The following ROBO1 variants were observed in gnomAD, a reference collection of about 807,000 sequenced individuals.
ROBO1 encodes the protein roundabout homolog 1.
In ROBO1, 149 loss-of-function variants were observed where a neutral mutation model predicts 195.9. The observed-to-expected ratio is 0.76, with a 90% CI of 0.67 to 0.87. The LOEUF (loss-of-function observed/expected upper bound fraction) is 0.87. Among genes scored for constraint, ROBO1 ranks in the 40% least tolerant of loss-of-function variants. ROBO1 has a pLI of 0.00. For missense variants in ROBO1, 1,933 were observed against 2,068.3 expected, an observed-to-expected ratio of 0.93 and a Z score of 1.27; for synonymous variants, 816 against 733.2, an observed-to-expected ratio of 1.11 and a Z score of -1.82.
chr3:79,021,850 C>T (rs931931237), intron 3 of ROBO1, among the ~76,000 whole-genome samples: 1 of 151,960 alleles, frequency 6.6e-6, no homozygotes, highest in Admixed American at 6.6e-5. Flanking sequence ...TTAGTAGAGA[C>T]GGGGTTTCAC....
intron 4 of ROBO1, among the ~76,000 whole-genome samples, chr3:78,837,661 A>G (rs2032858607): frequency 6.6e-6 from 1 of 152,132 alleles, no homozygotes; most frequent in Non-Finnish European, 1.5e-5. Context: ...ATCCATGGGA[A>G]TATATAAGAA....
At chr3:78,995,860 T>C (rs541570305) in intron 3 of ROBO1, among the ~76,000 whole-genome samples, 104 of 151,980 alleles carry the variant, frequency 6.8e-4, no homozygotes, top group African/African-American at 2.4e-3. Context: ...AAAAAGTGTG[T>C]ACCTACAGGA....
chr3:79,133,369 G>A (rs1239379104), intron 2 of ROBO1, among the ~76,000 whole-genome samples: 1 of 118,676 alleles, frequency 8.4e-6, no homozygotes, highest in African/African-American at 3.3e-5. Context: ...ATTTCTTGGA[G>A]GCTTTGCTCA....
intron 2 of ROBO1, among the ~76,000 whole-genome samples, chr3:79,445,023 G>A (rs189628713): frequency 1.4e-4 from 21 of 151,936 alleles, no homozygotes; most frequent in Admixed American, 3.3e-4. Flanking sequence ...GCAGAAGTTG[G>A]ATCCTAAATC....
intron 2 of ROBO1, among the ~76,000 whole-genome samples, chr3:79,480,502 A>AT (rs1400171430): frequency 2.0e-5 from 3 of 151,744 alleles, no homozygotes; most frequent in Admixed American, 6.6e-5. Flanking sequence ...GGCTAGGTAA[A>AT]TTTTTTTTGT....
At chr3:78,765,392 T>A (rs2083205396) in intron 4 of ROBO1, among the ~76,000 whole-genome samples, 1 of 152,130 alleles carries the variant, frequency 6.6e-6, no homozygotes, top group Non-Finnish European at 1.5e-5. Context: ...AACATAAAAT[T>A]TATTATTAAA....
At chr3:79,568,701 C>A (rs1363705929) in intron 2 of ROBO1, among the ~76,000 whole-genome samples, 3 of 151,822 alleles carry the variant, frequency 2.0e-5, no homozygotes, top group African/African-American at 7.3e-5. Flanking sequence ...CAAGGGGAAT[C>A]ATTTTCTACC....
intron 3 of ROBO1, among the ~76,000 whole-genome samples, chr3:78,964,494 A>G (rs2041571859): frequency 6.6e-6 from 1 of 152,128 alleles, no homozygotes; most frequent in South Asian, 2.1e-4. Context: ...AGAGACCTAA[A>G]TATGTCCAAA....
intron 1 of ROBO1, among the ~76,000 whole-genome samples, chr3:79,700,634 G>T (rs1209631934): frequency 6.6e-6 from 1 of 151,586 alleles, no homozygotes; most frequent in Non-Finnish European, 1.5e-5. Context: ...TAATGATGCT[G>T]AACACTTTTT....
chr3:78,620,858 A>C, intron 26 of ROBO1, among the ~76,000 whole-genome samples: 1 of 130,276 alleles, frequency 7.7e-6, no homozygotes, highest in East Asian at 2.4e-4. Flanking sequence ...ACACATATAT[A>C]AGTGTAAATA....
chr3:79,433,574 G>C (rs1205179907), intron 2 of ROBO1, among the ~76,000 whole-genome samples: 1 of 151,688 alleles, frequency 6.6e-6, no homozygotes, highest in Non-Finnish European at 1.5e-5. Context: ...TTAAAACAAG[G>C]TTCCATGTTC....
intron 3 of ROBO1, among the ~76,000 whole-genome samples, chr3:79,003,799 T>C (rs374649075): frequency 1.3e-5 from 2 of 152,242 alleles, no homozygotes; most frequent in Admixed American, 1.3e-4. Context: ...GAAAAACTCA[T>C]TGACAAATAA....
At chr3:79,043,113 T>C (rs1049675394) in intron 3 of ROBO1, among the ~76,000 whole-genome samples, 1 of 152,088 alleles carries the variant, frequency 6.6e-6, no homozygotes, top group Non-Finnish European at 1.5e-5. Flanking sequence ...TTTAAAGAAA[T>C]TGCCTAATGC....
chr3:78,975,264 A>C (rs550519532), intron 3 of ROBO1, among the ~76,000 whole-genome samples: 14 of 152,310 alleles, frequency 9.2e-5, no homozygotes, highest in African/African-American at 3.4e-4. Context: ...TTAAGTGTAC[A>C]TGCTAATTAG....
chr3:79,689,446 G>A (rs1236537313), intron 1 of ROBO1, among the ~76,000 whole-genome samples: 3 of 151,810 alleles, frequency 2.0e-5, no homozygotes, highest in African/African-American at 7.3e-5. Context: ...TTACATTTAA[G>A]ATCTATAATC....
At chr3:78,733,459 T>C (rs997665427) in intron 5 of ROBO1, among the ~76,000 whole-genome samples, 113 of 152,136 alleles carry the variant, frequency 7.4e-4, no homozygotes, top group African/African-American at 2.1e-3. Context: ...AAAAATGCCG[T>C]CCATACTATC....
chr3:79,445,447 T>G (rs1020463628), intron 2 of ROBO1, among the ~76,000 whole-genome samples: 6 of 151,712 alleles, frequency 4.0e-5, no homozygotes, highest in African/African-American at 1.5e-4. Flanking sequence ...TTTATTACAT[T>G]TCTGTATTTT....
At chr3:79,002,522 A>G (rs2077529568) in intron 3 of ROBO1, among the ~76,000 whole-genome samples, 2 of 152,166 alleles carry the variant, frequency 1.3e-5, no homozygotes, top group Non-Finnish European at 2.9e-5. Flanking sequence ...TCAATTTCAC[A>G]GTTCACCAGT....
At chr3:79,473,886 A>G (rs1938412461) in intron 2 of ROBO1, among the ~76,000 whole-genome samples, 1 of 152,176 alleles carries the variant, frequency 6.6e-6, no homozygotes, top group African/African-American at 2.4e-5. Context: ...TGCATTTCAT[A>G]CCGAATACCA....
Sources: allele counts gnomAD v4.1 joint callset (sites outside exome capture counted in the v4.1 genomes callset), GRCh38; gene constraint gnomAD v4.1.1; transcripts MANE v1.5; gene names NCBI Gene and HGNC (gene_info 2026-07-23, HGNC 2026-07-21).